Variants in SENP1 observed in about 807,000 individuals in gnomAD.
SENP1 encodes the protein SUMO specific peptidase 1, also known as sentrin-specific protease 1.
Under a neutral mutation model 93.0 loss-of-function variants are expected in SENP1, and 21 were observed. That is an observed-to-expected ratio of 0.23 (90% confidence interval 0.16 to 0.33). The LOEUF is 0.33. SENP1 is among the 10% of genes least tolerant of loss of function. The pLI is 1.00. For synonymous variants in SENP1, 256 were observed against 259.6 expected (o/e 0.99, Z 0.13); for missense variants, 591 against 758.7 (o/e 0.78, Z 2.60).
chr12:48,052,292 T>C (rs1233533683), intron 13 of SENP1, among the ~76,000 whole-genome samples: 1 of 152,194 alleles, frequency 6.6e-6, no homozygotes, highest in Admixed American at 6.5e-5. Context: ...TTTTTAGAAA[T>C]AAAACATTTC....
chr12:48,085,715 CAAAAAAAAAA>C (rs200416260), intron 5 of SENP1, among the ~76,000 whole-genome samples: 73 of 116,284 alleles, frequency 6.3e-4, no homozygotes, highest in Admixed American at 7.6e-4. Context: ...TTGCTTCTCT[CAAAAAAAAAA>C]AAAAAAAAAA....
At chr12:48,065,728 G>A in intron 10 of SENP1, 48 bp from the exon 11 acceptor site, 2 of 1,201,290 alleles carry the variant, frequency 1.7e-6, no homozygotes, top group Non-Finnish European at 2.4e-6. Context: ...CTCTCATTAT[G>A]AAACATATTG....
chr12:48,092,847 T>C (rs766043538), intron 4 of SENP1, among the ~76,000 whole-genome samples: 3 of 152,154 alleles, frequency 2.0e-5, no homozygotes, highest in Admixed American at 6.6e-5. Flanking sequence ...AAATATTACA[T>C]TAGGACTTAA....
chr12:48,066,725 TG>T (rs1943329520), intron 10 of SENP1, among the ~76,000 whole-genome samples: 1 of 152,160 alleles, frequency 6.6e-6, no homozygotes, highest in African/African-American at 2.4e-5. Context: ...AAGGCCAGGC[TG>T]GTCTTGAACT....
intron 14 of SENP1, among the ~76,000 whole-genome samples, chr12:48,048,540 A>G (rs1254407760): frequency 6.6e-6 from 1 of 152,212 alleles, no homozygotes; most frequent in Non-Finnish European, 1.5e-5. Flanking sequence ...TTAACACATT[A>G]AGCTAATGCT....
In SENP1 at chr12:48,045,243, G is replaced by T; in HGVS notation, c.*79C>A. ...TTACAACAGCAGAGGGCTGGGAGCA[G>T]CTGTTTCCAAGGTCTCTGGCTGTAG... On this transcript the variant is annotated 3_prime_UTR_variant, in exon 18 of 18. Transcript: ENST00000549518. The T allele has an allele frequency of 8.2e-7, 1 of 1,220,526 alleles. No individual in the cohort carries two copies. The highest frequency in any genetic ancestry group is 1.2e-6 in the Non-Finnish European group (1 of 830,666). 75.6% of individuals were successfully genotyped at this position (1,220,526 alleles called of 1,614,324 possible).
chr12:48,072,754 T>C (rs1034218560), intron 8 of SENP1, among the ~76,000 whole-genome samples: 8 of 152,208 alleles, frequency 5.3e-5, no homozygotes, highest in African/African-American at 1.7e-4. Flanking sequence ...TTAGTTATTA[T>C]TGTTGATCTC....
intron 3 of SENP1, among the ~76,000 whole-genome samples, chr12:48,096,751 C>T (rs1021116935): frequency 3.3e-5 from 5 of 151,926 alleles, no homozygotes; most frequent in African/African-American, 9.7e-5. Flanking sequence ...CCACCGCGCC[C>T]GGCCATGTCA....
intron 15 of SENP1, 131 bp from the exon 16 acceptor site, chr12:48,047,193 T>C: frequency 5.1e-6 from 3 of 590,852 alleles, no homozygotes; most frequent in Non-Finnish European, 9.0e-6. Flanking sequence ...GAGTATATAA[T>C]ACTGGGCAGG....
At chr12:48,068,839 C>T (rs1441565093) in intron 9 of SENP1, among the ~76,000 whole-genome samples, 1 of 151,768 alleles carries the variant, frequency 6.6e-6, no homozygotes, top group Non-Finnish European at 1.5e-5. Context: ...AAAAAAATAA[C>T]ACCTGGATGA....
chr12:48,087,339 TTTC>T (rs1944948721), intron 5 of SENP1, among the ~76,000 whole-genome samples: 1 of 152,234 alleles, frequency 6.6e-6, no homozygotes, highest in Non-Finnish European at 1.5e-5. Flanking sequence ...ATTTTTTATT[TTTC>T]TTAACTATAT....
At chr12:48,077,443 A>G (rs1393902490) in intron 6 of SENP1, among the ~76,000 whole-genome samples, 1 of 152,160 alleles carries the variant, frequency 6.6e-6, no homozygotes, top group African/African-American at 2.4e-5. Context: ...TGCATATGGT[A>G]TGAGATAAGG....
rs1375676881 is a variant in SENP1, at chr12:48,045,312, G to A, written c.*10C>T. On this transcript the variant is annotated 3_prime_UTR_variant, in exon 18 of 18. Transcript: ENST00000549518. ...CCCACATGGTCAAGGTCTGCTAAGT[G>A]AGACAGTCTTCACAAGAGTTTTCGG... 6.2e-7 allele frequency: 1 copy of A among 1,612,166 alleles called. No homozygotes were observed. Among genetic ancestry groups the A allele is most frequent in the South Asian group, 1.1e-5 (1 of 90,986 alleles).
At chr12:48,069,771 G>A (rs1488533093) in intron 9 of SENP1, among the ~76,000 whole-genome samples, 1 of 152,118 alleles carries the variant, frequency 6.6e-6, no homozygotes, top group East Asian at 1.9e-4. Context: ...AGGCAGATCT[G>A]ACTCCAAAAA....
intron 2 of SENP1, among the ~76,000 whole-genome samples, chr12:48,098,568 G>A (rs1945713557): frequency 6.6e-6 from 1 of 151,702 alleles, no homozygotes; most frequent in Non-Finnish European, 1.5e-5. Flanking sequence ...GCTTGACCCT[G>A]GGAGGCAGAG....
In SENP1 at chr12:48,043,791, T is replaced by C. The variant is rs1333565993; in HGVS notation, c.*1531A>G. 6.6e-6 allele frequency: 1 copy of C among 152,600 alleles called. No individual in the cohort carries two copies. Among genetic ancestry groups the C allele is most frequent in the Admixed American group, 6.5e-5 (1 of 15,270 alleles). The allele number at this position is 152,600 out of a possible 1,614,324, so 9.5% of individuals were successfully genotyped here. ...GAATATTTAAAAAAAATAGTTTTCT[T>C]TTCAAATTGTAACTTGTGGTAAAAC... is the stretch of plus-strand genomic sequence containing the variant. On this transcript the variant is annotated 3_prime_UTR_variant, in exon 18 of 18. Transcript: ENST00000549518.
chr12:48,056,512 T>TACATATTACATATATAAATA (rs1555176471), intron 13 of SENP1, among the ~76,000 whole-genome samples: 2 of 56,430 alleles, frequency 3.5e-5, no homozygotes, highest in Non-Finnish European at 5.3e-5. Flanking sequence ...ATAAATATAT[T>TACATATTACATATATAAATA]ATTTAATATA....
intron 17 of SENP1, among the ~76,000 whole-genome samples, chr12:48,045,928 G>A (rs1941329379): frequency 6.6e-6 from 1 of 152,190 alleles, no homozygotes; most frequent in South Asian, 2.1e-4. Flanking sequence ...TCTAAGAGAA[G>A]ACTGACCAGA....
At chr12:48,052,831 C>T (rs1416223677) in intron 13 of SENP1, among the ~76,000 whole-genome samples, 1 of 152,158 alleles carries the variant, frequency 6.6e-6, no homozygotes, top group Non-Finnish European at 1.5e-5. Flanking sequence ...AGAAACACTT[C>T]AAAGAGATAA....
Sources: allele counts gnomAD v4.1 joint callset (sites outside exome capture counted in the v4.1 genomes callset), GRCh38; gene constraint gnomAD v4.1.1; transcripts MANE v1.5; gene names NCBI Gene and HGNC (gene_info 2026-07-23, HGNC 2026-07-21).